The following HEPH variants were observed in gnomAD, a reference collection of about 807,000 sequenced individuals.
HEPH encodes hephaestin.
HEPH carries 69 observed loss-of-function variants against 80.8 expected under a neutral mutation model. That is an observed-to-expected ratio of 0.85 (90% CI 0.70 to 1.04). The LOEUF (loss-of-function observed/expected upper bound fraction) is 1.04. HEPH is among the 50% of genes least tolerant of loss of function. The pLI is 0.00. For missense variants in HEPH, 1,115 were observed against 891.3 expected, an observed-to-expected ratio of 1.25 and a Z score of -3.20; for synonymous variants, 431 against 322.8, an observed-to-expected ratio of 1.34 and a Z score of -3.60.
At chrX:66,229,604 A>G (rs2090036743) in intron 15 of HEPH, among the ~76,000 whole-genome samples, 2 of 111,731 alleles carry the variant, frequency 1.8e-5, no homozygotes, top group Non-Finnish European at 3.8e-5. Flanking sequence ...CTATTGAAAT[A>G]AAAATAAAAC....
chrX:66,190,813 C>T (rs1210120499), intron 6 of HEPH, among the ~76,000 whole-genome samples: 2 of 111,361 alleles, frequency 1.8e-5, no homozygotes, highest in Non-Finnish European at 3.8e-5. Flanking sequence ...TACATGTACT[C>T]CATTATCCAG....
intron 4 of HEPH, among the ~76,000 whole-genome samples, chrX:66,177,905 G>T (rs2086883164): frequency 9.2e-6 from 1 of 108,232 alleles, no homozygotes; most frequent in Non-Finnish European, 1.9e-5. Context: ...CCAGAGGTTT[G>T]GTTTTTATAG....
chrX:66,211,093 A>G (rs1302086816), intron 15 of HEPH, among the ~76,000 whole-genome samples: 2 of 111,545 alleles, frequency 1.8e-5, no homozygotes, highest in East Asian at 2.8e-4. Flanking sequence ...AGTAATTACA[A>G]TGGATGATAG....
chrX:66,213,396 G>A (rs1178027415), intron 15 of HEPH, among the ~76,000 whole-genome samples: 1 of 111,445 alleles, frequency 9.0e-6, no homozygotes, highest in East Asian at 2.8e-4. Context: ...CAAAGACTTG[G>A]AACCAACCCA....
intron 15 of HEPH, among the ~76,000 whole-genome samples, chrX:66,234,995 T>A (rs762023073): frequency 1.9e-4 from 21 of 110,651 alleles, no homozygotes; most frequent in African/African-American, 6.9e-4. Flanking sequence ...TGCATGTATG[T>A]CTTCTTTTGA....
intron 7 of HEPH, 56 bp from the exon 8 acceptor site, chrX:66,193,446 G>T (rs2087918100): frequency 1.2e-6 from 1 of 824,039 alleles, no homozygotes; most frequent in Middle Eastern, 3.1e-4. Flanking sequence ...AGGGTGAGAT[G>T]GGAGTCTATT....
intron 19 of HEPH, 102 bp from the exon 20 acceptor site, chrX:66,263,542 A>C (rs962865171): frequency 1.1e-6 from 1 of 884,357 alleles, no homozygotes; most frequent in Non-Finnish European, 1.6e-6. Context: ...TTACTTAATC[A>C]CAGAGAAATT....
chrX:66,175,491 C>T (rs755565456), intron 4 of HEPH, among the ~76,000 whole-genome samples: 9 of 111,464 alleles, frequency 8.1e-5, no homozygotes, highest in Non-Finnish European at 1.1e-4. Flanking sequence ...GCTATGCAGG[C>T]GCTTTTTTGG....
rs777125671 is a variant in HEPH, at chrX:66,256,381, A to T, written c.2896+51A>T. 2.3e-5 allele frequency: 21 copies of T among 916,833 alleles called. No homozygotes were observed. The East Asian group carries it at 3.8e-4, about 17-fold the overall frequency. 75.6% of individuals were successfully genotyped at this position (916,833 alleles called of 1,213,427 possible). On this transcript the variant is annotated intron_variant, in intron 17 of 20. Transcript: ENST00000343002. ...TTCCAAAGCAGTCCCTACTGGTTACATGGGGATATTTAATAGGCCTATTGC... is the reference window on the plus strand; with the variant it reads ...TTCCAAAGCAGTCCCTACTGGTTACTTGGGGATATTTAATAGGCCTATTGC...
Position 66,212,006 on chromosome X carries a change from A to AT in HEPH, c.2563+3769dup, listed in dbSNP as rs761478123. The stretch of plus-strand genomic sequence containing the variant: ...ATCCTTGCCAGCATCTGTCATTATT[A>AT]TTTTTTTTTCTTTTTAGTAATAGCC... On this transcript the variant is annotated intron_variant, in intron 15 of 20. Transcript: ENST00000343002. Among the ~76,000 whole-genome samples the AT allele has an allele frequency of 2.5e-3, 265 of 107,901 alleles. No individual in the cohort carries two copies. In the Middle Eastern group the frequency reaches 0.033, roughly 14 times the overall value. The allele number at this position is 107,901 out of a possible 115,157, so 93.7% of individuals were successfully genotyped here.
chrX:66,238,351 T>C (rs1017856342), intron 15 of HEPH, among the ~76,000 whole-genome samples: 1 of 111,442 alleles, frequency 9.0e-6, no homozygotes, highest in Non-Finnish European at 1.9e-5. Flanking sequence ...CTGAAAAGGA[T>C]CTTATTTTTC....
In HEPH at chrX:66,258,879, C is replaced by T; in HGVS notation, c.2936C>T (p.Thr979Ile). Residue 979 changes from threonine (T) to isoleucine (I), a missense_variant, in exon 18 of 21, where the codon ACC becomes ATC. Transcript: ENST00000343002. ...CTCTATGCCAACCTTAGGGGTCTTA[C>T]CATGTACCAAGGAGAACGAGTGGCC... ...GKLYANLRGL[T>I]MYQGERVAWY... is the part of the protein sequence containing the mutation. The T allele has an allele frequency of 1.7e-6, 2 of 1,189,005 alleles. No homozygotes were observed. Among genetic ancestry groups the T allele is most frequent in the Middle Eastern group, 2.3e-4 (1 of 4,310 alleles).
intron 5 of HEPH, among the ~76,000 whole-genome samples, chrX:66,189,166 C>G (rs1471587185): frequency 8.9e-6 from 1 of 112,073 alleles, no homozygotes; most frequent in Non-Finnish European, 1.9e-5. Context: ...CAGGGGTGGG[C>G]TAAAAACCAT....
intron 15 of HEPH, among the ~76,000 whole-genome samples, chrX:66,222,528 T>A (rs765782990): frequency 3.8e-4 from 43 of 112,294 alleles, no homozygotes; most frequent in Non-Finnish European, 5.4e-4. Context: ...CTTTAACTTC[T>A]ATGATCCTCT....
chrX:66,228,288 C>T (rs1362596352), intron 15 of HEPH, among the ~76,000 whole-genome samples: 2 of 112,687 alleles, frequency 1.8e-5, no homozygotes, highest in Non-Finnish European at 3.8e-5. Context: ...CACTGGGTTT[C>T]TCCCACAACA....
intron 11 of HEPH, among the ~76,000 whole-genome samples, chrX:66,199,605 GA>G (rs773691980): frequency 2.4e-4 from 27 of 111,434 alleles, no homozygotes; most frequent in Non-Finnish European, 4.7e-4. Context: ...CATAGATATA[GA>G]AAAAAAATGA....
intron 1 of HEPH, among the ~76,000 whole-genome samples, chrX:66,167,408 TC>T (rs1337608723): frequency 8.9e-6 from 1 of 112,178 alleles, no homozygotes; most frequent in Non-Finnish European, 1.9e-5. Context: ...TACTAGTCTC[TC>T]CCAGGAATAT....
chrX:66,207,142 G>T, intron 13 of HEPH, 53 bp from the exon 14 acceptor site: 4 of 1,077,365 alleles, frequency 3.7e-6, no homozygotes, highest in Non-Finnish European at 4.9e-6. Flanking sequence ...ATACTCAAAT[G>T]AAAATGAGGG....
In HEPH at chrX:66,266,832, A is replaced by T. The variant is rs1260494016; in HGVS notation, c.*160A>T. On this transcript the variant is annotated 3_prime_UTR_variant, in exon 21 of 21. Coordinates refer to ENST00000343002, the MANE Select transcript of HEPH (RefSeq NM_001367233.3). ...ATATTTCTTTCTTTATTTATTTTAC[A>T]TGGAAATAATATGATTTCACTTTTT... is the stretch of plus-strand genomic sequence containing the variant. 11 of 426,294 alleles carry T rather than the reference A, an allele frequency of 2.6e-5. No homozygotes were observed. The highest frequency in any genetic ancestry group is 8.6e-5 in the Admixed American group (2 of 23,178). 35.1% of individuals were successfully genotyped at this position (426,294 alleles called of 1,213,427 possible). A position where few individuals can be genotyped will look rare whatever the true frequency, so the allele number is the denominator to read the frequency against.
Sources: gnomAD v4.1 joint callset for allele counts (sites outside exome capture counted in the v4.1 genomes callset) on GRCh38, gnomAD v4.1.1 for gene constraint, MANE v1.5 for transcripts, NCBI Gene and HGNC (gene_info 2026-07-23, HGNC 2026-07-21) for gene names.